The following RYR3 variants were observed in gnomAD, a reference collection of about 807,000 sequenced individuals.
RYR3 encodes the protein ryanodine receptor 3.
In RYR3, 207 loss-of-function variants were observed where a neutral mutation model predicts 584.3. The observed-to-expected ratio is 0.35, with a 90% confidence interval of 0.32 to 0.40. RYR3 has a LOEUF of 0.40. RYR3 is among the 10% of genes least tolerant of loss of function. The pLI is 1.00. For synonymous variants in RYR3, 2,416 were observed against 2,248.5 expected (o/e 1.07, Z -2.11); for missense variants, 5,616 against 6,089.2 (o/e 0.92, Z 2.59).
At chr15:33,664,587 G>GTATATATATA (rs879709155) in intron 36 of RYR3, among the ~76,000 whole-genome samples, 23 of 42,634 alleles carry the variant, frequency 5.4e-4, no homozygotes, top group African/African-American at 1.5e-3. Context: ...GTGTGTGTGT[G>GTATATATATA]TGTATATATA....
intron 3 of RYR3, among the ~76,000 whole-genome samples, chr15:33,522,288 A>T (rs952694521): frequency 2.0e-5 from 3 of 151,856 alleles, no homozygotes; most frequent in Admixed American, 6.6e-5. Context: ...TCTGTTTCAT[A>T]GTTTCAGTTT....
chr15:33,380,668 C>T (rs1049522631), intron 1 of RYR3, among the ~76,000 whole-genome samples: 9 of 152,322 alleles, frequency 5.9e-5, no homozygotes, highest in East Asian at 1.9e-4. Context: ...TTGCACATGG[C>T]GCTAAGCCAT....
Position 33,806,389 on chromosome 15 carries a change from G to A in RYR3, c.10012-1166G>A, listed in dbSNP as rs541663599. Among the ~76,000 whole-genome samples the A allele has an allele frequency of 5.3e-5, 8 of 152,036 alleles. 1 individual carries two copies. In the South Asian group the frequency reaches 1.2e-3, roughly 24 times the overall value. ...AGAAAATAAAACATGGGCCAGTGTCGTGCCTGTAATCCCAGTACTTTAGGA... is the reference window on the plus strand; with the variant it reads ...AGAAAATAAAACATGGGCCAGTGTCATGCCTGTAATCCCAGTACTTTAGGA... On this transcript the variant is annotated intron_variant, in intron 69 of 103. Transcript: ENST00000634891.
At chr15:33,367,554 A>G (rs187571762) in intron 1 of RYR3, among the ~76,000 whole-genome samples, 12 of 152,356 alleles carry the variant, frequency 7.9e-5, no homozygotes, top group African/African-American at 2.9e-4. Context: ...GAAGAAAGAG[A>G]AAACAGGGCT....
intron 3 of RYR3, among the ~76,000 whole-genome samples, chr15:33,524,662 A>G (rs1019935716): frequency 2.6e-5 from 4 of 152,230 alleles, no homozygotes; most frequent in African/African-American, 9.6e-5. Flanking sequence ...TGCAACTCTG[A>G]TAGCATTAAG....
At chr15:33,767,545 A>G (rs1338821314) in intron 60 of RYR3, among the ~76,000 whole-genome samples, 1 of 152,120 alleles carries the variant, frequency 6.6e-6, no homozygotes, top group African/African-American at 2.4e-5. Context: ...TTTAAAGGTG[A>G]GCAGGTTTTC....
At chr15:33,514,752 A>C (rs1249304925) in intron 3 of RYR3, among the ~76,000 whole-genome samples, 1 of 152,068 alleles carries the variant, frequency 6.6e-6, no homozygotes, top group Non-Finnish European at 1.5e-5. Context: ...CTGTAATCCT[A>C]GCACTTTGGG....
At chr15:33,745,093 C>G (rs995032071) in intron 52 of RYR3, among the ~76,000 whole-genome samples, 9 of 152,090 alleles carry the variant, frequency 5.9e-5, no homozygotes, top group Non-Finnish European at 8.8e-5. Flanking sequence ...GAGAGACAGA[C>G]AGACAGACAG....
intron 38 of RYR3, among the ~76,000 whole-genome samples, chr15:33,692,456 T>C (rs1456674865): frequency 6.6e-6 from 1 of 152,134 alleles, no homozygotes; most frequent in Non-Finnish European, 1.5e-5. Context: ...TTTATTTCTT[T>C]TCATAGTTAT....
intron 86 of RYR3, among the ~76,000 whole-genome samples, chr15:33,834,592 T>C (rs2077920750): frequency 6.6e-6 from 1 of 152,144 alleles, no homozygotes; most frequent in African/African-American, 2.4e-5. Context: ...GCAGCACCCT[T>C]GATCTCCTCC....
At chr15:33,377,380 A>G (rs57072511) in intron 1 of RYR3, among the ~76,000 whole-genome samples, 24,406 of 152,182 alleles carry the variant, frequency 0.16, 2,272 homozygotes, top group African/African-American at 0.25. Flanking sequence ...ATGGGGAAGA[A>G]GACACTGAAG....
At position 33,834,984 on chromosome 15, in the gene RYR3, A is replaced by G. The variant is rs1261133834; in HGVS notation, c.11480A>G (p.Asn3827Ser). 2 of 1,613,934 alleles carry G rather than the reference A, an allele frequency of 1.2e-6. No individual in the cohort carries two copies. The highest frequency in any genetic ancestry group is 8.5e-7 in the Non-Finnish European group (1 of 1,179,842). The stretch of plus-strand genomic sequence containing the variant: ...TCTCTGCAGGGCCCTTGCATTGGTA[A>G]TCAACAGAGCCTGGCTCACAGCAGG... Reference protein sequence around the residue: ...TEYIQGPCIGNQQSLAHSRLW... With the variant: ...TEYIQGPCIGSQQSLAHSRLW... The change falls in exon 87 of 104, where the codon AAT becomes AGT. Residue 3827 changes from asparagine (N) to serine (S), a missense_variant. This residue lies in a region of RYR3 where 954 missense variants were observed against 1,132.2 expected (regional missense o/e 0.84). Coordinates refer to ENST00000634891, the MANE Select transcript of RYR3 (RefSeq NM_001036.6).
At chr15:33,442,408 G>A (rs1020559198) in intron 1 of RYR3, among the ~76,000 whole-genome samples, 3 of 152,068 alleles carry the variant, frequency 2.0e-5, no homozygotes, top group African/African-American at 7.2e-5. Flanking sequence ...TTAATATTAG[G>A]TAGTTTAAAA....
chr15:33,562,750 G>T, intron 10 of RYR3, 87 bp from the exon 11 acceptor site: 4 of 949,196 alleles, frequency 4.2e-6, no homozygotes, highest in South Asian at 1.6e-5. Context: ...CTGGCTTACA[G>T]GTTCTTCATA....
intron 1 of RYR3, among the ~76,000 whole-genome samples, chr15:33,461,046 G>A (rs934944926): frequency 2.8e-5 from 4 of 144,248 alleles, no homozygotes; most frequent in East Asian, 2.2e-4. Flanking sequence ...CCGGGTTCAC[G>A]CCATTCTCCT....
chr15:33,660,507 C>T (rs2063098570), intron 34 of RYR3, 84 bp downstream of exon 34: 2 of 911,100 alleles, frequency 2.2e-6, no homozygotes, highest in East Asian at 5.3e-5. Flanking sequence ...AAACCAGGAG[C>T]ATCTGTGTTG....
At chr15:33,420,457 T>C (rs1423518197) in intron 1 of RYR3, among the ~76,000 whole-genome samples, 1 of 152,190 alleles carries the variant, frequency 6.6e-6, no homozygotes, top group Non-Finnish European at 1.5e-5. Flanking sequence ...GCAAGGTGAA[T>C]CTGCTGGATT....
chr15:33,690,777 G>A (rs1272373251), intron 38 of RYR3, among the ~76,000 whole-genome samples: 1 of 151,886 alleles, frequency 6.6e-6, no homozygotes, highest in Non-Finnish European at 1.5e-5. Context: ...AACCCCAAAA[G>A]CTTTAGTTTA....
chr15:33,324,117 T>G (rs917934599), intron 1 of RYR3, among the ~76,000 whole-genome samples: 1 of 151,932 alleles, frequency 6.6e-6, no homozygotes, highest in Admixed American at 6.5e-5. Context: ...GATACTCTTT[T>G]GGATTAAGGT....
Sources: allele counts gnomAD v4.1 joint callset (sites outside exome capture counted in the v4.1 genomes callset), GRCh38; gene constraint gnomAD v4.1.1; regional missense constraint gnomAD v4.1.1; transcripts MANE v1.5; gene names NCBI Gene and HGNC (gene_info 2026-07-23, HGNC 2026-07-21).